Variants in ECH1 observed in about 807,000 individuals in gnomAD.
The protein encoded by ECH1 is delta(3,5)-Delta(2,4)-dienoyl-CoA isomerase, mitochondrial.
In ECH1, 30 loss-of-function variants were observed where a neutral mutation model predicts 37.0. That is an observed-to-expected ratio of 0.81 (90% CI 0.61 to 1.10). ECH1 has a LOEUF of 1.10. ECH1 is among the 50% of genes least tolerant of loss of function. ECH1 has a pLI of 0.00. For missense variants in ECH1, 456 were observed against 441.6 expected (o/e 1.03, Z -0.29); for synonymous variants, 178 against 176.0 (o/e 1.01, Z -0.09).
intron 3 of ECH1, among the ~76,000 whole-genome samples, chr19:38,828,684 C>T (rs143504664): frequency 5.3e-5 from 8 of 150,188 alleles, no homozygotes; most frequent in African/African-American, 1.5e-4. Context: ...GGCGCCATCT[C>T]GGCTCACTGC....
chr19:38,831,757 C>G lies in ECH1; in HGVS notation c.16G>C (p.Val6Leu), dbSNP rs531370913. MAAGI[V>L]ASRRLRDLLT... ...AGGTCGCGGAGTCTGCGAGAAGCCA[C>G]TATCCCCGCCGCCATCGCCGCCGCC... The change falls in exon 1 of 10, where the codon GTG (valine) becomes CTG (leucine). Residue 6 changes from valine to leucine, a missense_variant. Coordinates refer to ENST00000221418, the MANE Select transcript of ECH1 (RefSeq NM_001398.3). The G allele has an allele frequency of 4.7e-5, 76 of 1,613,032 alleles. No individual in the cohort carries two copies. The South Asian group carries it at 8.2e-4, about 18-fold the overall frequency.
chr19:38,829,795 G>A (rs1313021500), intron 3 of ECH1, among the ~76,000 whole-genome samples: 1 of 150,238 alleles, frequency 6.7e-6, no homozygotes, highest in Non-Finnish European at 1.5e-5. Flanking sequence ...CAGCCTGGGT[G>A]ACAGAGCGAC....
intron 3 of ECH1, among the ~76,000 whole-genome samples, chr19:38,830,650 CAA>C (rs55649550): frequency 3.8e-4 from 29 of 75,338 alleles, no homozygotes; most frequent in East Asian, 1.2e-3. Context: ...ATATTGTCTC[CAA>C]AAAAAAAAAA....
At position 38,825,362 on chromosome 19, in the gene ECH1, C is replaced by T. The variant is rs146503818; in HGVS notation, c.349+5716G>A. 8.3e-3 allele frequency among the ~76,000 whole-genome samples: 1,266 copies of T among 152,310 alleles called. 39 individuals are homozygous for T. In the East Asian group the frequency reaches 0.096, roughly 12 times the overall value. ...AATTATTCAATGATGTCCACCATAA[C>T]TCAGGGAAAGGAAGAAAATCCTTCT... On this transcript the variant is annotated intron_variant, in intron 3 of 9. Coordinates refer to ENST00000221418, the MANE Select transcript of ECH1 (RefSeq NM_001398.3).
intron 3 of ECH1, 89 bp from the exon 4 acceptor site, chr19:38,817,664 C>T (rs1195752789): frequency 1.6e-5 from 23 of 1,463,366 alleles, no homozygotes; most frequent in Non-Finnish European, 2.0e-5. Context: ...ACAGCAGGTT[C>T]GAACCCCCAA....
In ECH1 at chr19:38,817,338, G is replaced by A; in HGVS notation, c.501C>T (p.Val167=). The change falls in exon 5 of 10, where the codon GTC becomes GTT. Residue 167 remains valine (V), a synonymous_variant. Coordinates refer to ENST00000221418, the MANE Select transcript of ECH1 (RefSeq NM_001398.3). The part of the protein sequence containing the change: ...ERCPKPVIAA[V]HGGCIGGGVD... ...CACCTCCGCCAATGCAGCCCCCATGGACGGCAGCAATCACGGGCTTGGGGC... is the reference window on the plus strand; with the variant it reads ...CACCTCCGCCAATGCAGCCCCCATGAACGGCAGCAATCACGGGCTTGGGGC... 6.3e-7 allele frequency: 1 copy of A among 1,578,398 alleles called. No homozygotes were observed. Among genetic ancestry groups the A allele is most frequent in the Non-Finnish European group, 8.6e-7 (1 of 1,160,540 alleles).
intron 2 of ECH1, 37 bp from the exon 3 acceptor site, chr19:38,831,203 G>A (rs1476093175): frequency 1.2e-6 from 2 of 1,612,162 alleles, no homozygotes; most frequent in South Asian, 2.2e-5. Flanking sequence ...AAATGGGGCG[G>A]GAATACCCTG....
chr19:38,820,493 G>GT (rs1472078843), intron 3 of ECH1: 1 of 152,176 alleles, frequency 6.6e-6, no homozygotes, highest in African/African-American at 2.4e-5. Context: ...TGATTATTGG[G>GT]TAAGTTTCTT....
At chr19:38,817,197 T>C in intron 5 of ECH1, 68 bp from the exon 6 acceptor site, 1 of 1,550,916 alleles carries the variant, frequency 6.4e-7, no homozygotes, top group African/African-American at 1.4e-5. Context: ...GAGGTGGGGC[T>C]GCCTCTTGGG....
chr19:38,825,852 C>CCTAGGGA (rs902149050), intron 3 of ECH1, among the ~76,000 whole-genome samples: 2 of 152,244 alleles, frequency 1.3e-5, no homozygotes, highest in African/African-American at 4.8e-5. Flanking sequence ...GACGAAGGTT[C>CCTAGGGA]CCTAGGTCAG....
chr19:38,817,012 C>G (rs1971586571), intron 6 of ECH1, 53 bp downstream of exon 6: 2 of 1,546,808 alleles, frequency 1.3e-6, no homozygotes, highest in African/African-American at 1.4e-5. Flanking sequence ...TCCAGGCCCC[C>G]CAACCTCACC....
chr19:38,831,268 C>T (rs1198564173), intron 2 of ECH1, 41 bp downstream of exon 2: 2 of 1,607,180 alleles, frequency 1.2e-6, no homozygotes, highest in Non-Finnish European at 1.7e-6. Flanking sequence ...CGCAGCCCCG[C>T]CTCCCCCCGC....
intron 3 of ECH1, among the ~76,000 whole-genome samples, chr19:38,821,506 C>T (rs940171458): frequency 1.5e-4 from 23 of 152,164 alleles, no homozygotes; most frequent in Non-Finnish European, 2.9e-4. Context: ...GGGAGAGGCG[C>T]GGGCGGGAAC....
intron 5 of ECH1, 26 bp downstream of exon 5, chr19:38,817,290 G>C: frequency 6.5e-7 from 1 of 1,535,966 alleles, no homozygotes; most frequent in Non-Finnish European, 8.8e-7. Context: ...GGGAGCACCC[G>C]AGCAGGAGGA....
chr19:38,827,743 TGCA>T (rs1412535435), intron 3 of ECH1, among the ~76,000 whole-genome samples: 1 of 152,180 alleles, frequency 6.6e-6, no homozygotes, highest in Non-Finnish European at 1.5e-5. Context: ...CACAGCTCAC[TGCA>T]GTTTTGACCT....
At chr19:38,826,604 CAG>C (rs1469679522) in intron 3 of ECH1, among the ~76,000 whole-genome samples, 3 of 152,240 alleles carry the variant, frequency 2.0e-5, no homozygotes, top group African/African-American at 4.8e-5. Flanking sequence ...TCTCAAATAA[CAG>C]AGGCAGCAGA....
At chr19:38,818,478 CTTTTT>C (rs146936045) in intron 3 of ECH1, 4 of 690,558 alleles carry the variant, frequency 5.8e-6, no homozygotes, top group African/African-American at 1.9e-5. Context: ...GTCAGATCCT[CTTTTT>C]TTTTATTTTA....
At chr19:38,820,045 C>A (rs1971638694) in intron 3 of ECH1, 2 of 636,028 alleles carry the variant, frequency 3.1e-6, no homozygotes, top group Non-Finnish European at 3.9e-6. Context: ...AGGCCAAAGT[C>A]CCCCTTACTT....
At chr19:38,830,430 C>A (rs1971801687) in intron 3 of ECH1, among the ~76,000 whole-genome samples, 1 of 152,104 alleles carries the variant, frequency 6.6e-6, no homozygotes, top group African/African-American at 2.4e-5. Context: ...AGCCTATGAT[C>A]CCATCGTGTT....
Sources: gnomAD v4.1 joint callset for allele counts (sites outside exome capture counted in the v4.1 genomes callset) on GRCh38, gnomAD v4.1.1 for gene constraint, MANE v1.5 for transcripts, NCBI Gene and HGNC (gene_info 2026-07-23, HGNC 2026-07-21) for gene names.